The following NTRK2 variants were observed in gnomAD, a reference collection of about 807,000 sequenced individuals.
NTRK2 encodes neurotrophic receptor tyrosine kinase 2.
Under a neutral mutation model 94.5 loss-of-function variants are expected in NTRK2, and 13 were observed. The observed-to-expected ratio is 0.14, with a 90% CI of 0.09 to 0.22. NTRK2 has a LOEUF of 0.22. Ranked by LOEUF, NTRK2 falls within the 10% of genes least tolerant of loss-of-function variation. The pLI is 1.00. For synonymous variants in NTRK2, 372 were observed against 407.4 expected, an observed-to-expected ratio of 0.91 and a Z score of 1.05; for missense variants, 639 against 1,071.2, an observed-to-expected ratio of 0.60 and a Z score of 5.63.
chr9:84,761,588 T>A (rs899179693), intron 12 of NTRK2, among the ~76,000 whole-genome samples: 1 of 152,222 alleles, frequency 6.6e-6, no homozygotes, highest in African/African-American at 2.4e-5. Flanking sequence ...ACTACAAAAG[T>A]CTGCCCTGCA....
chr9:84,723,590 C>A lies in NTRK2; in HGVS notation c.601C>A (p.Leu201Met), dbSNP rs139119122. The change falls in exon 7 of 19, where the codon CTG becomes ATG. Residue 201 changes from leucine (L) to methionine (M), a missense_variant. Leu to Met is a conservative substitution (Grantham distance 15, BLOSUM62 2). Coordinates refer to ENST00000277120, the MANE Select transcript of NTRK2 (RefSeq NM_006180.6). ...TTCCATAGGTTTGCCATCTGCAAAT[C>A]TGGCCGCACCTAACCTCACTGTGGA... ...IPNCGLPSANLAAPNLTVEEG... is the reference protein window; with the variant it reads ...IPNCGLPSANMAAPNLTVEEG... 7 of 1,614,016 alleles carry A rather than the reference C, an allele frequency of 4.3e-6. No individual in the cohort carries two copies. In the African/African-American group the frequency reaches 8.0e-5, roughly 18 times the overall value.
At chr9:84,823,879 A>G (rs1294017203) in intron 12 of NTRK2, among the ~76,000 whole-genome samples, 2 of 152,164 alleles carry the variant, frequency 1.3e-5, no homozygotes, top group African/African-American at 2.4e-5. Flanking sequence ...TTCCTTTACA[A>G]CAGCCCTGAG....
chr9:84,699,746 T>A (rs1225192077), intron 2 of NTRK2, among the ~76,000 whole-genome samples: 1 of 152,050 alleles, frequency 6.6e-6, no homozygotes, highest in Non-Finnish European at 1.5e-5. Flanking sequence ...TAATTTATTT[T>A]TATTTTTAAA....
intron 17 of NTRK2, among the ~76,000 whole-genome samples, chr9:84,989,644 G>T (rs1456691069): frequency 6.6e-6 from 1 of 152,172 alleles, no homozygotes; most frequent in African/African-American, 2.4e-5. Context: ...TTTTTGACCT[G>T]CAGTTTAGAA....
chr9:84,988,930 G>C (rs886834402), intron 17 of NTRK2, among the ~76,000 whole-genome samples: 29 of 152,344 alleles, frequency 1.9e-4, no homozygotes, highest in African/African-American at 7.0e-4. Context: ...TAAGGTGACA[G>C]ATATTTTTGA....
At chr9:84,724,098 C>A in intron 7 of NTRK2, 126 bp from the exon 8 acceptor site, 1 of 996,454 alleles carries the variant, frequency 1.0e-6, no homozygotes, top group Non-Finnish European at 1.5e-6. Flanking sequence ...GAGCCCAGTT[C>A]AGGCAGAGAA....
chr9:84,981,753 T>C (rs996074425), intron 17 of NTRK2, among the ~76,000 whole-genome samples: 1 of 152,234 alleles, frequency 6.6e-6, no homozygotes, highest in Non-Finnish European at 1.5e-5. Flanking sequence ...AAGGGGATTT[T>C]AGAGGGAGAA....
chr9:84,938,052 A>C (rs1334052602), intron 15 of NTRK2, among the ~76,000 whole-genome samples: 1 of 152,206 alleles, frequency 6.6e-6, no homozygotes, highest in Non-Finnish European at 1.5e-5. Context: ...TGTTTTATGG[A>C]TGAGAAAACT....
intron 2 of NTRK2, among the ~76,000 whole-genome samples, chr9:84,690,548 C>A (rs1264598805): frequency 2.7e-5 from 4 of 149,500 alleles, no homozygotes; most frequent in African/African-American, 4.9e-5. Context: ...TAATTTATTA[C>A]AAAAAAAAAC....
chr9:84,762,422 A>T (rs964855886), intron 12 of NTRK2, among the ~76,000 whole-genome samples: 2 of 152,216 alleles, frequency 1.3e-5, no homozygotes, highest in Non-Finnish European at 2.9e-5. Flanking sequence ...ATGTTTCTAT[A>T]TTGAAATGAC....
rs1376964233 is a variant in NTRK2, at chr9:85,025,756, T to C, written c.*4319T>C. 4.3e-6 allele frequency: 1 copy of C among 233,044 alleles called. No individual in the cohort carries two copies. Among genetic ancestry groups the C allele is most frequent in the Non-Finnish European group, 8.5e-6 (1 of 117,982 alleles). 14.4% of individuals were successfully genotyped at this position (233,044 alleles called of 1,614,324 possible). A position where few individuals can be genotyped will look rare whatever the true frequency, so the allele number is the denominator to read the frequency against. The stretch of plus-strand genomic sequence containing the variant: ...TTGGTTTGGCCATATATCACTGTTA[T>C]AGGAAATCTCATGAGAGGAATGGCT... On this transcript the variant is annotated 3_prime_UTR_variant, in exon 19 of 19. Coordinates refer to ENST00000277120, the MANE Select transcript of NTRK2 (RefSeq NM_006180.6).
intron 15 of NTRK2, 40 bp from the exon 16 acceptor site, chr9:84,948,422 C>T (rs1436513531): frequency 1.9e-6 from 3 of 1,595,734 alleles, no homozygotes; most frequent in Non-Finnish European, 1.7e-6. Flanking sequence ...TATCATAGGG[C>T]CCACTGAAGT....
intron 12 of NTRK2, among the ~76,000 whole-genome samples, chr9:84,797,300 A>G (rs918247319): frequency 3.3e-5 from 5 of 151,700 alleles, no homozygotes; most frequent in Non-Finnish European, 5.9e-5. Context: ...TGTTGCTTTC[A>G]TACTACAATG....
intron 14 of NTRK2, among the ~76,000 whole-genome samples, chr9:84,910,038 A>AT (rs1201314896): frequency 1.3e-5 from 2 of 151,926 alleles, no homozygotes; most frequent in Non-Finnish European, 2.9e-5. Flanking sequence ...CTCTATATTT[A>AT]TTTTTTTCTA....
At chr9:84,958,215 G>A (rs747274736) in intron 17 of NTRK2, among the ~76,000 whole-genome samples, 1 of 151,634 alleles carries the variant, frequency 6.6e-6, no homozygotes, top group African/African-American at 2.4e-5. Context: ...AAAAAACACT[G>A]AATCATTCAC....
intron 12 of NTRK2, among the ~76,000 whole-genome samples, chr9:84,855,113 C>T (rs927741457): frequency 6.6e-6 from 1 of 152,080 alleles, no homozygotes; most frequent in African/African-American, 2.4e-5. Flanking sequence ...ATGAGAGACT[C>T]TGTAGTAAGG....
intron 12 of NTRK2, among the ~76,000 whole-genome samples, chr9:84,816,971 C>T (rs948667044): frequency 1.3e-5 from 2 of 152,054 alleles, no homozygotes; most frequent in African/African-American, 2.4e-5. Flanking sequence ...GCTATGCTCA[C>T]GAACAATATA....
At chr9:85,010,671 G>A (rs528638037) in intron 17 of NTRK2, among the ~76,000 whole-genome samples, 2 of 152,238 alleles carry the variant, frequency 1.3e-5, no homozygotes, top group South Asian at 4.2e-4. Flanking sequence ...TCAGCAGGAG[G>A]GGAAGAACAT....
chr9:84,792,625 C>A lies in NTRK2; in HGVS notation c.1396+40540C>A, dbSNP rs190040748. Reference sequence around the variant, plus strand: ...TCTGTAAGCTAAGACAGTGGTCAAACGTAGACATTTTCATATGGTTCAGCC... The same window carrying A: ...TCTGTAAGCTAAGACAGTGGTCAAAAGTAGACATTTTCATATGGTTCAGCC... On this transcript the variant is annotated intron_variant, in intron 12 of 18. Transcript: ENST00000277120. 2.0e-5 allele frequency among the ~76,000 whole-genome samples: 3 copies of A among 152,262 alleles called. 1 individual carries two copies. Among genetic ancestry groups the A allele is most frequent in the Admixed American group, 2.0e-4 (3 of 15,292 alleles).
Sources: allele counts gnomAD v4.1 joint callset (sites outside exome capture counted in the v4.1 genomes callset), GRCh38; gene constraint gnomAD v4.1.1; transcripts MANE v1.5; gene names NCBI Gene and HGNC (gene_info 2026-07-23, HGNC 2026-07-21).